THRAP3: variants seen among roughly 807,000 people sequenced by gnomAD.
THRAP3 encodes the protein thyroid hormone receptor-associated protein 3.
THRAP3 carries 16 observed loss-of-function variants against 101.0 expected under a neutral mutation model. The ratio of observed to expected loss-of-function variants is 0.16; its 90% CI spans 0.11 to 0.24. The LOEUF (loss-of-function observed/expected upper bound fraction) is 0.24. Ranked by LOEUF, THRAP3 falls within the 10% of genes least tolerant of loss-of-function variation. THRAP3 has a pLI of 1.00. For synonymous variants in THRAP3, 407 were observed against 422.6 expected (o/e 0.96, Z 0.45); for missense variants, 989 against 1,202.7 (o/e 0.82, Z 2.63).
At chr1:36,259,974 G>C (rs1249014783) in intron 2 of THRAP3, among the ~76,000 whole-genome samples, 1 of 152,116 alleles carries the variant, frequency 6.6e-6, no homozygotes, top group African/African-American at 2.4e-5. Context: ...CAGGCGTGGT[G>C]GCTCCTGACT....
intron 8 of THRAP3, 33 bp downstream of exon 8, chr1:36,293,968 A>G (rs1403694215): frequency 1.2e-6 from 2 of 1,601,076 alleles, no homozygotes; most frequent in Non-Finnish European, 1.7e-6. Flanking sequence ...AATTCCAACA[A>G]AATGAGTGCG....
intron 3 of THRAP3, among the ~76,000 whole-genome samples, chr1:36,285,648 G>A (rs192103211): frequency 1.3e-5 from 2 of 152,234 alleles, no homozygotes; most frequent in East Asian, 1.9e-4. Context: ...GTGCCCTCTT[G>A]TGGCACCTAG....
At chr1:36,256,586 GT>G (rs1645378836) in intron 1 of THRAP3, among the ~76,000 whole-genome samples, 1 of 152,094 alleles carries the variant, frequency 6.6e-6, no homozygotes, top group African/African-American at 2.4e-5. Context: ...ATTAAAATCT[GT>G]TCTCCACGCA....
chr1:36,254,372 A>G (rs1645346989), intron 1 of THRAP3, among the ~76,000 whole-genome samples: 1 of 152,200 alleles, frequency 6.6e-6, no homozygotes, highest in African/African-American at 2.4e-5. Flanking sequence ...AAACACAATG[A>G]TTTGCTATCA....
intron 3 of THRAP3, among the ~76,000 whole-genome samples, chr1:36,285,396 T>A (rs1294621022): frequency 6.6e-6 from 1 of 152,172 alleles, no homozygotes; most frequent in Non-Finnish European, 1.5e-5. Context: ...CCAACATACG[T>A]AATTTTTGGC....
intron 1 of THRAP3, among the ~76,000 whole-genome samples, chr1:36,240,564 CAT>C (rs1390904789): frequency 1.3e-5 from 2 of 152,238 alleles, no homozygotes; most frequent in Non-Finnish European, 2.9e-5. Context: ...CACTCACTCA[CAT>C]GTCAGTCTTC....
intron 1 of THRAP3, among the ~76,000 whole-genome samples, chr1:36,245,741 ATG>A (rs957539053): frequency 6.6e-6 from 1 of 152,236 alleles, no homozygotes; most frequent in South Asian, 2.1e-4. Flanking sequence ...CCCTGGGTAA[ATG>A]TGTCTCTCAT....
chr1:36,293,757 C>G, intron 7 of THRAP3, 94 bp from the exon 8 acceptor site: 1 of 942,292 alleles, frequency 1.1e-6, no homozygotes, highest in Admixed American at 2.2e-5. Flanking sequence ...AAAAATAATG[C>G]CTGTGAATCT....
chr1:36,279,491 C>T (rs1645704806), intron 2 of THRAP3, among the ~76,000 whole-genome samples: 1 of 152,226 alleles, frequency 6.6e-6, no homozygotes, highest in Admixed American at 6.5e-5. Context: ...ACCTCCACCT[C>T]CCACTCCTGA....
At chr1:36,270,395 A>G (rs1645573304) in intron 2 of THRAP3, among the ~76,000 whole-genome samples, 2 of 151,764 alleles carry the variant, frequency 1.3e-5, no homozygotes, top group Non-Finnish European at 2.9e-5. Flanking sequence ...ACCCTGACAC[A>G]CACACACACG....
intron 8 of THRAP3, among the ~76,000 whole-genome samples, chr1:36,295,594 TC>T: frequency 6.9e-6 from 1 of 144,606 alleles, no homozygotes; most frequent in African/African-American, 2.8e-5. Flanking sequence ...CCTTCCTTCC[TC>T]CCTCCCTTCC....
intron 1 of THRAP3, among the ~76,000 whole-genome samples, chr1:36,234,807 CTTTTTTTTTTTT>C (rs35278020): frequency 5.5e-5 from 4 of 72,436 alleles, no homozygotes; most frequent in East Asian, 5.2e-4. Flanking sequence ...CTGTTTCAGT[CTTTTTTTTTTTT>C]TTTTTTTTTT....
rs189887264 is a variant in THRAP3 at position 36,274,890 on chromosome 1, C to G, written c.-31-7643C>G. Among the ~76,000 whole-genome samples, 673 of 151,240 alleles carry G rather than the reference C, an allele frequency of 4.4e-3. 6 individuals carry two copies. The highest frequency in any genetic ancestry group is 0.015 in the African/African-American group (632 of 41,396). On this transcript the variant is annotated intron_variant, in intron 2 of 11. Coordinates refer to ENST00000354618, the MANE Select transcript of THRAP3 (RefSeq NM_005119.4). ...AAGTGATCCACCCGCCTTGGCCTCC[C>G]AAAGTGCTGGGATTACAGGCGTGAG...
intron 2 of THRAP3, among the ~76,000 whole-genome samples, chr1:36,273,510 A>G (rs3007221): frequency 0.98 from 149,195 of 152,324 alleles, 73,134 homozygotes; most frequent in Middle Eastern, 1. Flanking sequence ...CTTAAGATGA[A>G]GAACAAGACC....
chr1:36,299,101 T>C (rs1645997093), intron 9 of THRAP3, among the ~76,000 whole-genome samples: 3 of 152,096 alleles, frequency 2.0e-5, no homozygotes, highest in Admixed American at 1.3e-4. Context: ...GCCAGAACTT[T>C]TTTTATATAA....
At chr1:36,220,015 G>A (rs1254759409), upstream of THRAP3, among the ~76,000 whole-genome samples, 1 of 151,962 alleles carries the variant, frequency 6.6e-6, no homozygotes, top group Non-Finnish European at 1.5e-5. Context: ...TCTTTTTTGG[G>A]ATGGAGTCCC....
the THRAP3 span, among the ~76,000 whole-genome samples, chr1:36,212,285 T>G: frequency 1.3e-5 from 2 of 152,164 alleles, no homozygotes; most frequent in African/African-American, 2.4e-5. Flanking sequence ...TCATTCCATC[T>G]GCTATCCCAG....
intron 9 of THRAP3, among the ~76,000 whole-genome samples, chr1:36,298,452 T>C (rs1645981958): frequency 6.6e-6 from 1 of 152,220 alleles, no homozygotes; most frequent in South Asian, 2.1e-4. Flanking sequence ...GATGTGACTT[T>C]GAACAAGTCC....
At chr1:36,296,226 G>A (rs1357802767) in intron 8 of THRAP3, among the ~76,000 whole-genome samples, 2 of 151,812 alleles carry the variant, frequency 1.3e-5, no homozygotes, top group African/African-American at 4.8e-5. Flanking sequence ...CGCCTGCCTC[G>A]GCCTCCCAAA....
Sources: allele counts gnomAD v4.1 joint callset (sites outside exome capture counted in the v4.1 genomes callset), GRCh38; gene constraint gnomAD v4.1.1; transcripts MANE v1.5; gene names NCBI Gene and HGNC (gene_info 2026-07-23, HGNC 2026-07-21).